The following CLEC4C variants were observed in gnomAD, a reference collection of about 807,000 sequenced individuals.
The protein encoded by CLEC4C is C-type (calcium dependent, carbohydrate-recognition domain) lectin, superfamily member 11.
A neutral mutation model predicts 27.7 loss-of-function variants in CLEC4C; 17 were observed. The ratio of observed to expected loss-of-function variants is 0.61; its 90% CI spans 0.42 to 0.92. The LOEUF is 0.92. Among genes scored for constraint, CLEC4C ranks in the 40% least tolerant of loss-of-function variants. The probability of loss-of-function intolerance (pLI) is 0.00; values close to 1 mark genes in which losing one functional copy is unlikely to be tolerated. For synonymous variants in CLEC4C, 80 were observed against 80.8 expected (o/e 0.99, Z 0.06); for missense variants, 244 against 257.3 (o/e 0.95, Z 0.35).
intron 2 of CLEC4C, 86 bp from the exon 3 acceptor site, chr12:7,741,617 G>C (rs1864858075): frequency 2.6e-6 from 2 of 762,792 alleles, no homozygotes; most frequent in South Asian, 3.1e-5. Context: ...GACAGGCACA[G>C]TGACTCACGC....
rs1428802922 is a variant in CLEC4C at position 7,729,439 on chromosome 12, T to A, written c.*157A>T. ...AAATGAATAAATGAATAAATGAATG[T>A]GTGAATGGATTATATCATAAGTGTA... On this transcript the variant is annotated 3_prime_UTR_variant, in exon 6 of 6. Transcript: ENST00000360345. 1.8e-6 allele frequency: 1 copy of A among 565,588 alleles called. No individual in the cohort carries two copies. Among genetic ancestry groups the A allele is most frequent in the Non-Finnish European group, 3.0e-6 (1 of 330,302 alleles). 35.0% of individuals were successfully genotyped at this position (565,588 alleles called of 1,614,324 possible).
chr12:7,745,991 G>A (rs765099731), intron 2 of CLEC4C, among the ~76,000 whole-genome samples: 6 of 151,760 alleles, frequency 4.0e-5, no homozygotes, highest in South Asian at 4.2e-4. Context: ...CAAGGTGGGC[G>A]GATCACGAGG....
In CLEC4C at chr12:7,739,199, G is replaced by A. The variant is rs768307183; in HGVS notation, c.236-1625C>T. 9.5e-4 allele frequency among the ~76,000 whole-genome samples: 142 copies of A among 149,482 alleles called. 2 individuals carry two copies. Among genetic ancestry groups the A allele is most frequent in the South Asian group, 6.4e-4 (3 of 4,680 alleles). ...GTGATCTCGGCTCACTGCAACCTTC[G>A]CCTCCCGGGTTCAAGCAATTCTCCT... On this transcript the variant is annotated intron_variant, in intron 3 of 5. Transcript: ENST00000360345.
At chr12:7,735,363 C>T (rs1224462059) in intron 4 of CLEC4C, among the ~76,000 whole-genome samples, 7 of 148,820 alleles carry the variant, frequency 4.7e-5, no homozygotes, top group Non-Finnish European at 4.4e-5. Context: ...ATTAGCTGGG[C>T]GTGGTTGCAG....
chr12:7,735,519 A>AAC (rs1864705290), intron 4 of CLEC4C, among the ~76,000 whole-genome samples: 1 of 148,724 alleles, frequency 6.7e-6, no homozygotes, highest in South Asian at 2.1e-4. Context: ...AAAAAAAAAA[A>AAC]AAAACGGCCA....
chr12:7,734,674 G>A lies in CLEC4C; in HGVS notation c.381+2755C>T, dbSNP rs186513905. On this transcript the variant is annotated intron_variant, in intron 4 of 5. Transcript: ENST00000360345. ...AGTGATTCTCCTGCCTCAGCCTCCC[G>A]AGTAACTGTGATTACAGGCATGTGC... is the stretch of plus-strand genomic sequence containing the variant. 7.6e-3 allele frequency among the ~76,000 whole-genome samples: 1,137 copies of A among 150,568 alleles called. 50 individuals carry two copies. The highest frequency in any genetic ancestry group is 0.068 in the Admixed American group (1,017 of 15,006).
At chr12:7,748,604 G>A (rs1208359926), upstream of CLEC4C, among the ~76,000 whole-genome samples, 1 of 152,008 alleles carries the variant, frequency 6.6e-6, no homozygotes, top group Admixed American at 6.6e-5. Flanking sequence ...TTTCTAAGCT[G>A]TATACTTGCT....
At chr12:7,734,947 C>A (rs12812951) in intron 4 of CLEC4C, among the ~76,000 whole-genome samples, 1 of 151,922 alleles carries the variant, frequency 6.6e-6, no homozygotes, top group Non-Finnish European at 1.5e-5. Flanking sequence ...AGGCCTATAA[C>A]CCCAGCACTT....
At chr12:7,742,248 C>T (rs11055552) in intron 2 of CLEC4C, among the ~76,000 whole-genome samples, 20,671 of 152,056 alleles carry the variant, frequency 0.14, 1,647 homozygotes, top group African/African-American at 0.22. Context: ...CATGGTGGCT[C>T]ACACCTGTAA....
At chr12:7,737,326 T>G in intron 4 of CLEC4C, 103 bp downstream of exon 4, 1 of 811,822 alleles carries the variant, frequency 1.2e-6, no homozygotes, top group Admixed American at 3.7e-5. Flanking sequence ...ACCCAGAAGT[T>G]TTTTTTTTTT....
intron 2 of CLEC4C, among the ~76,000 whole-genome samples, chr12:7,742,129 G>A (rs1040449324): frequency 6.6e-6 from 1 of 152,076 alleles, no homozygotes; most frequent in South Asian, 2.1e-4. Flanking sequence ...GCAGTGAGCC[G>A]AGATCGTGCC....
At chr12:7,737,997 G>A (rs897660829) in intron 3 of CLEC4C, among the ~76,000 whole-genome samples, 1 of 152,110 alleles carries the variant, frequency 6.6e-6, no homozygotes, top group Non-Finnish European at 1.5e-5. Context: ...CCACAAAAAT[G>A]ATCTGAAAGA....
intron 4 of CLEC4C, among the ~76,000 whole-genome samples, chr12:7,732,112 C>T (rs1864609018): frequency 6.6e-6 from 1 of 152,124 alleles, no homozygotes; most frequent in Non-Finnish European, 1.5e-5. Flanking sequence ...TCACTGCAAC[C>T]TCTGCCTCCC....
chr12:7,736,220 T>C (rs766035687), intron 4 of CLEC4C, among the ~76,000 whole-genome samples: 23 of 152,034 alleles, frequency 1.5e-4, no homozygotes, highest in Admixed American at 7.2e-4. Context: ...GAGGCGGAGG[T>C]TGCAGTGAGC....
chr12:7,747,461 C>G (rs1201750016), upstream of CLEC4C: 1 of 1,027,922 alleles, frequency 9.7e-7, no homozygotes, highest in African/African-American at 1.6e-5. Flanking sequence ...CAAGCCAAGC[C>G]CTTAGATCCT....
intron 4 of CLEC4C, among the ~76,000 whole-genome samples, chr12:7,736,857 T>C (rs1592092538): frequency 6.6e-6 from 1 of 151,424 alleles, no homozygotes; most frequent in African/African-American, 2.4e-5. Flanking sequence ...GAGCTGAGAT[T>C]GTGCCACTGC....
At chr12:7,737,004 G>C (rs1034890125) in intron 4 of CLEC4C, among the ~76,000 whole-genome samples, 13 of 152,196 alleles carry the variant, frequency 8.5e-5, no homozygotes, top group South Asian at 6.2e-4. Flanking sequence ...GCCGAGGCAG[G>C]TGGATCATTT....
rs563875432 is a variant in CLEC4C, at chr12:7,739,121, C to CTTT, written c.236-1550_236-1548dup. Among the ~76,000 whole-genome samples the CTTT allele has an allele frequency of 4.5e-3, 677 of 150,660 alleles. 4 individuals carry two copies. Among genetic ancestry groups the CTTT allele is most frequent in the African/African-American group, 0.016 (640 of 41,084 alleles). ...TAAGTAAAGAATGAATTATTTCATTCTTTTTTTTTGAGATGGCATCTCGCT... is the reference window on the plus strand; with the variant it reads ...TAAGTAAAGAATGAATTATTTCATTCTTTTTTTTTTTTGAGATGGCATCTCGCT... On this transcript the variant is annotated intron_variant, in intron 3 of 5. Transcript: ENST00000360345.
chr12:7,742,184 A>T (rs1257563575), intron 2 of CLEC4C, among the ~76,000 whole-genome samples: 2 of 151,226 alleles, frequency 1.3e-5, no homozygotes, highest in South Asian at 2.1e-4. Flanking sequence ...CCATCTCAAA[A>T]AAATAAATAA....
Sources: gnomAD v4.1 joint callset for allele counts (sites outside exome capture counted in the v4.1 genomes callset) on GRCh38, gnomAD v4.1.1 for gene constraint, MANE v1.5 for transcripts, NCBI Gene and HGNC (gene_info 2026-07-23, HGNC 2026-07-21) for gene names.